Variants in PER3 observed in about 807,000 individuals in gnomAD.
PER3 encodes the protein period circadian regulator 3.
A neutral mutation model predicts 127.2 loss-of-function variants in PER3; 107 were observed. The ratio of observed to expected loss-of-function variants is 0.84; its 90% confidence interval spans 0.72 to 0.99. The LOEUF is 0.99. Among genes scored for constraint, PER3 ranks in the 50% least tolerant of loss-of-function variants. PER3 has a pLI of 0.00. For missense variants in PER3, 1,560 were observed against 1,525.8 expected (o/e 1.02, Z -0.37); for synonymous variants, 618 against 585.8 (o/e 1.05, Z -0.79).
chr1:7,826,652 C>T lies in PER3; in HGVS notation c.2130C>T (p.Pro710=). The T allele has an allele frequency of 6.2e-7, 1 of 1,613,460 alleles. No homozygotes were observed. Among genetic ancestry groups the T allele is most frequent in the Non-Finnish European group, 8.5e-7 (1 of 1,179,422 alleles). Residue 710 remains proline (P), a synonymous_variant, in exon 17 of 22, where the codon CCC becomes CCT. Transcript: ENST00000377532. This position sits in a 1 kb window ranked among gnomAD's most constrained non-coding sequence, Gnocchi z 4.2. ...DKFREKILSS[P]YSSYLQQESR... ...TCCGAGAAAAGATCCTGTCATCACC[C>T]TACAGCTCCTATCTTCAGCAAGAAA... is the stretch of plus-strand genomic sequence containing the variant.
chr1:7,823,065 C>G (rs2097284797), intron 16 of PER3, among the ~76,000 whole-genome samples: 1 of 152,112 alleles, frequency 6.6e-6, no homozygotes, highest in Non-Finnish European at 1.5e-5. Flanking sequence ...GAGCAAGACC[C>G]TGTCTCTAAA....
At chr1:7,839,750 TA>T (rs2097375492) in intron 21 of PER3, among the ~76,000 whole-genome samples, 1 of 152,274 alleles carries the variant, frequency 6.6e-6, no homozygotes, top group African/African-American at 2.4e-5. Context: ...TATCTGCTGA[TA>T]ATCTTATCGA....
Position 7,828,009 on chromosome 1 carries a change from G to T in PER3, c.2886+194G>T, listed in dbSNP as rs538614535. On this transcript the variant is annotated intron_variant, in intron 18 of 21. Coordinates refer to ENST00000377532, the MANE Select transcript of PER3 (RefSeq NM_001377275.1). The stretch of plus-strand genomic sequence containing the variant: ...CTCTGTTTGGAAAGTAGACATGAAA[G>T]AATCATCTATGTTCTAGTTTCTTAT... 1.8e-4 allele frequency among the ~76,000 whole-genome samples: 28 copies of T among 152,242 alleles called. 1 individual carries two copies. In the South Asian group the frequency reaches 5.8e-3, roughly 32 times the overall value.
rs1007199585 is a variant in PER3 at position 7,844,310 on chromosome 1, G to T, written c.*1555G>T. The T allele has an allele frequency of 6.3e-6, 1 of 157,656 alleles. No individual in the cohort carries two copies. The highest frequency in any genetic ancestry group is 2.4e-5 in the African/African-American group (1 of 41,414). The allele number at this position is 157,656 out of a possible 1,614,324, so 9.8% of individuals were successfully genotyped here. ...ATTAAGCAGTTCCATGCAAATATTC[G>T]TGTTTTATAAATAGCTCTCATAGTC... On this transcript the variant is annotated 3_prime_UTR_variant, in exon 22 of 22. Transcript: ENST00000377532.
chr1:7,803,262 T>G (rs552372751), intron 9 of PER3, 109 bp downstream of exon 9: 1 of 749,502 alleles, frequency 1.3e-6, no homozygotes, highest in East Asian at 2.5e-5. Context: ...GGCATTACAT[T>G]GAAGCTGCTA....
intron 21 of PER3, 53 bp downstream of exon 21, chr1:7,837,202 G>C: frequency 6.7e-7 from 1 of 1,490,840 alleles, no homozygotes; most frequent in South Asian, 1.2e-5. Flanking sequence ...GCCAGGTAGT[G>C]CTTTTAATAT....
Position 7,809,910 on chromosome 1 carries a change from G to T in PER3, c.1260G>T (p.Val420=). The part of the protein sequence containing the change: ...KLLLQPVHVS[V]SSGYGSLGSS... ...CCTTCCAGCCAGTTCACGTGAGCGT[G>T]TCCAGCGGCTACGGGAGCCTGGGGA... Residue 420 remains valine, a synonymous_variant, in exon 12 of 22, where the codon GTG becomes GTT. Transcript: ENST00000377532. The T allele has an allele frequency of 6.2e-7, 1 of 1,614,152 alleles. No homozygotes were observed. The highest frequency in any genetic ancestry group is 8.5e-7 in the Non-Finnish European group (1 of 1,180,016).
Position 7,785,461 on chromosome 1 carries a change from G to C in PER3, c.149G>C (p.Arg50Thr), listed in dbSNP as rs1189795110. ...TCCAGTGAACAGCAAGATCGAAACA[G>C]AGTTTCTGAAGAACTTATCATGGTT... ...SSHSEQQDRNRVSEELIMVVQ... is the reference protein window; with the variant it reads ...SSHSEQQDRNTVSEELIMVVQ... Residue 50 changes from arginine (R) to threonine (T), a missense_variant, in exon 3 of 22, where the codon AGA becomes ACA. Arg to Thr is a moderately conservative substitution (Grantham distance 71). Transcript: ENST00000377532. 6.2e-7 allele frequency: 1 copy of C among 1,612,964 alleles called. No individual in the cohort carries two copies. The highest frequency in any genetic ancestry group is 1.7e-5 in the Admixed American group (1 of 60,010).
intron 18 of PER3, among the ~76,000 whole-genome samples, chr1:7,829,032 G>T (rs1231475479): frequency 1.3e-5 from 2 of 152,100 alleles, no homozygotes; most frequent in Non-Finnish European, 2.9e-5. Context: ...TTATTTCTTA[G>T]AGATAGGCTG....
At position 7,798,589 on chromosome 1, in the gene PER3, C is replaced by A; in HGVS notation, c.709C>A (p.His237Asn). 1 of 1,612,836 alleles carries A rather than the reference C, an allele frequency of 6.2e-7. No homozygotes were observed. The change falls in exon 7 of 22, where the codon CAT becomes AAT. Residue 237 changes from histidine (H) to asparagine (N), a missense_variant. Around this residue, in one of 3 missense-constraint regions of PER3, gnomAD observed 1,332 missense variants for 1,223.6 expected, o/e 1.09. Coordinates refer to ENST00000377532, the MANE Select transcript of PER3 (RefSeq NM_001377275.1). The stretch of plus-strand genomic sequence containing the variant: ...ATTCCGGATCATCCCCTATCTGATT[C>A]ATGTACATCACCCTGCCCAGCCAGA... ...SPFRIIPYLI[H>N]VHHPAQPELE... is the part of the protein sequence containing the mutation.
chr1:7,797,257 T>C (rs1269523866), intron 6 of PER3, among the ~76,000 whole-genome samples: 1 of 152,186 alleles, frequency 6.6e-6, no homozygotes, highest in African/African-American at 2.4e-5. Flanking sequence ...CCGGTGATTC[T>C]CTTTTCTTGG....
At chr1:7,788,461 C>T in intron 5 of PER3, 1 of 559,026 alleles carries the variant, frequency 1.8e-6, no homozygotes, top group Non-Finnish European at 3.2e-6. Context: ...ATCTGTTTCA[C>T]AGATGATATG....
intron 21 of PER3, among the ~76,000 whole-genome samples, chr1:7,839,384 T>C (rs912823191): frequency 6.6e-6 from 1 of 152,242 alleles, no homozygotes; most frequent in Non-Finnish European, 1.5e-5. Flanking sequence ...TACTGGATTT[T>C]ATAGACTACT....
intron 10 of PER3, among the ~76,000 whole-genome samples, chr1:7,806,549 A>G (rs1421654325): frequency 6.6e-6 from 1 of 152,000 alleles, no homozygotes; most frequent in Non-Finnish European, 1.5e-5. Flanking sequence ...GCACTTTGGG[A>G]GGCTGAGGCA....
intron 10 of PER3, among the ~76,000 whole-genome samples, chr1:7,806,810 A>ATATATATAT (rs60458932): frequency 0.016 from 1,212 of 74,764 alleles, 4 homozygotes; most frequent in Middle Eastern, 0.031. Context: ...AAAAAAAAAA[A>ATATATATAT]AAATATATAT....
At chr1:7,842,567 G>A (rs777932753) in intron 21 of PER3, 105 bp from the exon 22 acceptor site, 1 of 1,245,866 alleles carries the variant, frequency 8.0e-7, no homozygotes, top group Non-Finnish European at 1.1e-6. Flanking sequence ...TTTCAGACAT[G>A]AATAAGTTGG....
In PER3 at chr1:7,835,804, C is replaced by T. The variant is rs201485091; in HGVS notation, c.3257C>T (p.Ser1086Phe). ...ATATACCTTACTAGTAGTGTTTATT[C>T]TTCTAAAATCTCCCAAAATGGGCAG... Reference protein sequence around the residue: ...SSIYLTSSVYSSKISQNGQQS... With the variant: ...SSIYLTSSVYFSKISQNGQQS... The change falls in exon 20 of 22, where the codon TCT becomes TTT. Residue 1086 changes from serine (S) to phenylalanine (F), a missense_variant. Physicochemically the swap from Ser to Phe is radical, Grantham distance 155 (BLOSUM62 -2). Transcript: ENST00000377532. The T allele has an allele frequency of 1.1e-4, 172 of 1,612,646 alleles. No homozygotes were observed. The highest frequency in any genetic ancestry group is 2.6e-4 in the South Asian group (24 of 91,044).
chr1:7,828,628 T>C (rs1263411992), intron 18 of PER3, among the ~76,000 whole-genome samples: 1 of 152,202 alleles, frequency 6.6e-6, no homozygotes, highest in Non-Finnish European at 1.5e-5. Context: ...GGGAAGGCAG[T>C]ATATTACAGT....
chr1:7,790,830 C>T (rs1006844182), intron 5 of PER3, among the ~76,000 whole-genome samples: 35 of 152,364 alleles, frequency 2.3e-4, no homozygotes, highest in African/African-American at 8.4e-4. Context: ...CCTTGCAAGT[C>T]TGAAATCCAC....
Sources: allele counts gnomAD v4.1 joint callset (sites outside exome capture counted in the v4.1 genomes callset), GRCh38; gene constraint gnomAD v4.1.1; regional missense constraint gnomAD v4.1.1; non-coding constraint Gnocchi (gnomAD v3.1); transcripts MANE v1.5; gene names NCBI Gene and HGNC (gene_info 2026-07-23, HGNC 2026-07-21).